Variants in TMEFF1 observed in about 807,000 individuals in gnomAD.
TMEFF1 encodes the protein transmembrane protein with EGF like and two follistatin like domains 1, also known as tomoregulin-1.
TMEFF1 carries 20 observed loss-of-function variants against 47.5 expected under a neutral mutation model. The ratio of observed to expected loss-of-function variants is 0.42; its 90% CI spans 0.30 to 0.61. The LOEUF is 0.61. TMEFF1 is among the 20% of genes least tolerant of loss of function. TMEFF1 has a pLI of 0.19. For missense variants in TMEFF1, 411 were observed against 471.1 expected, an observed-to-expected ratio of 0.87 and a Z score of 1.18; for synonymous variants, 162 against 166.3, an observed-to-expected ratio of 0.97 and a Z score of 0.20.
intron 6 of TMEFF1, 42 bp from the exon 7 acceptor site, chr9:100,550,053 C>T (rs777742337): frequency 1.3e-6 from 2 of 1,588,488 alleles, no homozygotes; most frequent in Non-Finnish European, 1.7e-6. Flanking sequence ...TATGACTTAA[C>T]CATTGTATAT....
chr9:100,520,446 T>G (rs995855153), intron 5 of TMEFF1, among the ~76,000 whole-genome samples: 1 of 152,254 alleles, frequency 6.6e-6, no homozygotes, highest in African/African-American at 2.4e-5. Flanking sequence ...TTTCTCTTGC[T>G]TTTAAAAATT....
chr9:100,572,178 GA>G, intron 8 of TMEFF1, among the ~76,000 whole-genome samples: 1 of 151,680 alleles, frequency 6.6e-6, no homozygotes, highest in African/African-American at 2.4e-5. Flanking sequence ...TTTAAAAAGT[GA>G]AAAAAAGGAG....
intron 5 of TMEFF1, among the ~76,000 whole-genome samples, chr9:100,545,512 A>G (rs1269828222): frequency 2.6e-5 from 4 of 152,156 alleles, no homozygotes; most frequent in African/African-American, 4.8e-5. Flanking sequence ...CCAGGAAACC[A>G]TGTTTTCCTC....
intron 7 of TMEFF1, among the ~76,000 whole-genome samples, chr9:100,559,202 T>A (rs534317362): frequency 1.5e-4 from 23 of 152,208 alleles, no homozygotes; most frequent in Non-Finnish European, 3.2e-4. Context: ...GTGAGTGTTA[T>A]AATAGAGGAG....
chr9:100,569,969 A>T (rs1839199742), intron 8 of TMEFF1, among the ~76,000 whole-genome samples: 2 of 152,096 alleles, frequency 1.3e-5, no homozygotes, highest in African/African-American at 4.8e-5. Context: ...CCTGGTAACC[A>T]CTATTCTACT....
chr9:100,552,003 G>A (rs941647302), intron 7 of TMEFF1, among the ~76,000 whole-genome samples: 7 of 152,148 alleles, frequency 4.6e-5, no homozygotes, highest in African/African-American at 1.7e-4. Context: ...AGGAGAGCAT[G>A]AGCATAGATA....
At chr9:100,525,516 A>G (rs1463668935) in intron 5 of TMEFF1, among the ~76,000 whole-genome samples, 2 of 128,560 alleles carry the variant, frequency 1.6e-5, no homozygotes, top group Non-Finnish European at 3.4e-5. Context: ...GTCCCCATGG[A>G]GTCAAGTGCA....
At chr9:100,478,883 G>A (rs1837285891) in intron 1 of TMEFF1, among the ~76,000 whole-genome samples, 3 of 152,132 alleles carry the variant, frequency 2.0e-5, no homozygotes, top group Admixed American at 2.0e-4. Context: ...TAGGGAATAT[G>A]GTTAAAGAGG....
rs770617613 is a variant in TMEFF1, at chr9:100,516,767, G to T, written c.556G>T (p.Val186Phe). 9 of 1,612,832 alleles carry T rather than the reference G, an allele frequency of 5.6e-6. No homozygotes were observed. The highest frequency in any genetic ancestry group is 6.8e-6 in the Non-Finnish European group (8 of 1,179,642). Residue 186 changes from valine to phenylalanine, a missense_variant, in exon 5 of 10, where the codon GTT (valine) becomes TTT (phenylalanine). Physicochemically the swap from Val to Phe is conservative, Grantham distance 50. Coordinates refer to ENST00000374879, the MANE Select transcript of TMEFF1 (RefSeq NM_003692.5). ...TGAGTGTGATGAAGATGCAGAAAATGTTGGGTGAGTTGGTTGAGGGGAAGG... is the reference window on the plus strand; with the variant it reads ...TGAGTGTGATGAAGATGCAGAAAATTTTGGGTGAGTTGGTTGAGGGGAAGG... Reference protein sequence around the residue: ...KAECDEDAENVGCVCNIDCSG... With the variant: ...KAECDEDAENFGCVCNIDCSG...
intron 8 of TMEFF1, among the ~76,000 whole-genome samples, chr9:100,571,966 T>C (rs1266893617): frequency 6.6e-6 from 1 of 151,980 alleles, no homozygotes; most frequent in Non-Finnish European, 1.5e-5. Context: ...AGGCGGAGCT[T>C]GGGTGGTAAT....
chr9:100,558,331 C>G (rs1421938242), intron 7 of TMEFF1, among the ~76,000 whole-genome samples: 1 of 151,920 alleles, frequency 6.6e-6, no homozygotes, highest in African/African-American at 2.4e-5. Flanking sequence ...CTCTATAGTC[C>G]CATTGTTATA....
At chr9:100,506,451 T>C (rs1029738603) in intron 2 of TMEFF1, among the ~76,000 whole-genome samples, 1 of 152,106 alleles carries the variant, frequency 6.6e-6, no homozygotes, top group South Asian at 2.1e-4. Context: ...CTTTGTGGAA[T>C]ACATAATACG....
chr9:100,563,010 G>A (rs1466362519), intron 8 of TMEFF1, among the ~76,000 whole-genome samples: 1 of 152,172 alleles, frequency 6.6e-6, no homozygotes, highest in Admixed American at 6.5e-5. Context: ...TAGAGATGGG[G>A]TTTCACTATG....
At chr9:100,532,157 T>A (rs1425893769) in intron 5 of TMEFF1, among the ~76,000 whole-genome samples, 2 of 151,922 alleles carry the variant, frequency 1.3e-5, no homozygotes, top group Non-Finnish European at 2.9e-5. Flanking sequence ...AACCTAGGCA[T>A]TACCATTCAG....
At chr9:100,518,848 A>G (rs1444437223) in intron 5 of TMEFF1, among the ~76,000 whole-genome samples, 1 of 152,172 alleles carries the variant, frequency 6.6e-6, no homozygotes, top group African/African-American at 2.4e-5. Context: ...GTTGCTAACC[A>G]GGTGAATAGT....
At chr9:100,549,160 G>A (rs1838788643) in intron 6 of TMEFF1, among the ~76,000 whole-genome samples, 1 of 152,142 alleles carries the variant, frequency 6.6e-6, no homozygotes. Context: ...CAGTTCCACA[G>A]GCTATACAGG....
At chr9:100,550,796 T>G (rs1226640145) in intron 7 of TMEFF1, among the ~76,000 whole-genome samples, 1 of 152,224 alleles carries the variant, frequency 6.6e-6, no homozygotes, top group Non-Finnish European at 1.5e-5. Context: ...GAATATCTGG[T>G]ACATAAGTAG....
intron 5 of TMEFF1, among the ~76,000 whole-genome samples, chr9:100,530,463 C>T (rs1023831385): frequency 3.2e-3 from 481 of 152,202 alleles, no homozygotes; most frequent in African/African-American, 7.2e-3. Context: ...AACACCTCTA[C>T]GCAAATAAAC....
intron 1 of TMEFF1, among the ~76,000 whole-genome samples, chr9:100,482,459 A>C (rs547878504): frequency 2.0e-5 from 3 of 152,056 alleles, no homozygotes; most frequent in African/African-American, 7.2e-5. Flanking sequence ...CGGCCTCCCA[A>C]AGTGCTGGGA....
Sources: gnomAD v4.1 joint callset for allele counts (sites outside exome capture counted in the v4.1 genomes callset) on GRCh38, gnomAD v4.1.1 for gene constraint, MANE v1.5 for transcripts, NCBI Gene and HGNC (gene_info 2026-07-23, HGNC 2026-07-21) for gene names.